The following NEB variants were observed in gnomAD, a reference collection of about 807,000 sequenced individuals.
The protein encoded by NEB is nemaline myopathy type 2.
In NEB, 512 loss-of-function variants were observed where a neutral mutation model predicts 952.2. The observed-to-expected ratio is 0.54, with a 90% confidence interval of 0.50 to 0.58. The LOEUF is 0.58. Ranked by LOEUF, NEB falls within the 20% of genes least tolerant of loss-of-function variation. The pLI is 0.00. For missense variants in NEB, 8,428 were observed against 9,231.1 expected (o/e 0.91, Z 3.56); for synonymous variants, 2,900 against 3,149.8 (o/e 0.92, Z 2.66).
Position 151,565,513 on chromosome 2 carries a change from G to A in NEB, c.18354C>T (p.Val6118=). 1 of 1,588,702 alleles carries A rather than the reference G, an allele frequency of 6.3e-7. No individual in the cohort carries two copies. The highest frequency in any genetic ancestry group is 1.3e-5 in the African/African-American group (1 of 74,728). ...PEIVLAKINS[V]NQSDVKYKET... is the part of the protein sequence containing the mutation. The stretch of plus-strand genomic sequence containing the variant: ...AAAGCAAACTTACATCACTTTGATT[G>A]ACAGAATTAATCTTGGCTAAAACAA... Residue 6118 remains valine, a synonymous_variant, in exon 116 of 182, where the codon GTC becomes GTT. Transcript: ENST00000397345.
chr2:151,506,299 A>G, intron 163 of NEB, 41 bp from the exon 164 acceptor site: 1 of 1,450,710 alleles, frequency 6.9e-7, no homozygotes, highest in Non-Finnish European at 9.6e-7. Context: ...ACAGAAGAAA[A>G]GAAAACCCAG....
intron 4 of NEB, among the ~76,000 whole-genome samples, chr2:151,728,549 AATG>A (rs2099797423): frequency 1.3e-5 from 2 of 152,222 alleles, no homozygotes; most frequent in Non-Finnish European, 2.9e-5. Flanking sequence ...GGACAAGAAT[AATG>A]ATGACAACAT....
chr2:151,650,845 T>C lies in NEB; in HGVS notation c.6956A>G (p.His2319Arg), dbSNP rs1326711179. ...ATCTTGCAGACTCCGGAATCCAACA[T>C]GGTGGCCAAGTTGCTTTCGGTAGCC... is the stretch of plus-strand genomic sequence containing the variant. The part of the protein sequence containing the change: ...KQGYRKQLGH[H>R]VGFRSLQDDP... The change falls in exon 53 of 182, where the codon CAT becomes CGT. Residue 2319 changes from histidine (H) to arginine (R), a missense_variant. Transcript: ENST00000397345. 4.3e-6 allele frequency: 7 copies of C among 1,613,508 alleles called. No homozygotes were observed. Among genetic ancestry groups the C allele is most frequent in the African/African-American group, 1.3e-5 (1 of 74,924 alleles).
intron 34 of NEB, 144 bp downstream of exon 34, chr2:151,677,421 A>G: frequency 1.6e-6 from 1 of 614,978 alleles, no homozygotes; most frequent in Non-Finnish European, 2.5e-6. Context: ...AACTACACAT[A>G]ACTGTAATTT....
chr2:151,680,084 G>A, intron 30 of NEB, 62 bp from the exon 31 acceptor site: 4 of 1,219,852 alleles, frequency 3.3e-6, no homozygotes, highest in South Asian at 2.5e-5. Flanking sequence ...AATGGCACCA[G>A]AAAATAATTT....
At chr2:151,621,240 T>C (rs1172093682) in intron 71 of NEB, among the ~76,000 whole-genome samples, 1 of 152,224 alleles carries the variant, frequency 6.6e-6, no homozygotes, top group Non-Finnish European at 1.5e-5. Flanking sequence ...TCACAACCTC[T>C]CTTTGCACAA....
chr2:151,540,920 T>C lies in NEB; in HGVS notation c.20683-119A>G, dbSNP rs117071114. The C allele has an allele frequency of 2.6e-3, 2,111 of 818,852 alleles. 33 individuals carry two copies. In the East Asian group the frequency reaches 0.031, roughly 12 times the overall value. 50.7% of individuals were successfully genotyped at this position (818,852 alleles called of 1,614,324 possible). On this transcript the variant is annotated intron_variant, in intron 136 of 181. Transcript: ENST00000397345. Reference sequence around the variant, plus strand: ...AGGTGGTATCTGCTTACTGTCCTGATGTTTGTTTGCTTGTTTTTTTGTTAT... The same window carrying C: ...AGGTGGTATCTGCTTACTGTCCTGACGTTTGTTTGCTTGTTTTTTTGTTAT...
chr2:151,516,425 A>G (rs1353887483), intron 157 of NEB, 34 bp downstream of exon 157: 1 of 1,422,546 alleles, frequency 7.0e-7, no homozygotes, highest in Admixed American at 1.7e-5. Flanking sequence ...AGTGTGATGG[A>G]TCATTGTTGT....
In NEB at chr2:151,523,350, T is replaced by C. The variant is rs149911633; in HGVS notation, c.22479+961A>G. The stretch of plus-strand genomic sequence containing the variant: ...GTGTTTTCATAATTCTAACTTGTTC[T>C]GTCACTTGACATTACTGCATTATAT... On this transcript the variant is annotated intron_variant, in intron 153 of 181. Transcript: ENST00000397345. Among the ~76,000 whole-genome samples the C allele has an allele frequency of 4.7e-4, 71 of 152,386 alleles. No homozygotes were observed. The East Asian group carries it at 0.012, about 25-fold the overall frequency.
At chr2:151,725,621 T>C (rs999080835) in intron 5 of NEB, 61 bp from the exon 6 acceptor site, 2 of 1,292,718 alleles carry the variant, frequency 1.5e-6, no homozygotes, top group Admixed American at 1.8e-5. Flanking sequence ...GGCAACATAC[T>C]CACCCCATTT....
At position 151,508,058 on chromosome 2, in the gene NEB, A is replaced by G. The variant is rs781419958; in HGVS notation, c.23398T>C (p.Leu7800=). 8 of 1,611,202 alleles carry G rather than the reference A, an allele frequency of 5.0e-6. No individual in the cohort carries two copies. In the Admixed American group the frequency reaches 5.0e-5, roughly 10 times the overall value. Residue 7800 remains leucine (L), a synonymous_variant, in exon 162 of 182, where the codon TTG becomes CTG. Coordinates refer to ENST00000397345, the MANE Select transcript of NEB (RefSeq NM_001164508.2). ...EKSMSYYETV[L]DTPEIQRVRE... is the part of the protein sequence containing the mutation. ...ACTCTCTGTATCTCTGGGGTGTCCAAAACAGTCTCATAATACGACATGGAC... is the reference window on the plus strand; with the variant it reads ...ACTCTCTGTATCTCTGGGGTGTCCAGAACAGTCTCATAATACGACATGGAC...
Position 151,659,335 on chromosome 2 carries a change from C to T in NEB, c.5971-166G>A, listed in dbSNP as rs147084767. On this transcript the variant is annotated intron_variant, in intron 46 of 181. Transcript: ENST00000397345. ...TTTTTGAGACAGAGTCTTGCGCTGT[C>T]ACCCAGGCTGGAGTGCAGTAGTGCA... Among the ~76,000 whole-genome samples, 868 of 152,160 alleles carry T rather than the reference C, an allele frequency of 5.7e-3. 12 individuals are homozygous for T. Among genetic ancestry groups the T allele is most frequent in the African/African-American group, 0.02 (831 of 41,518 alleles).
chr2:151,681,212 G>A (rs1212986567), intron 29 of NEB, among the ~76,000 whole-genome samples: 5 of 152,202 alleles, frequency 3.3e-5, no homozygotes, highest in Non-Finnish European at 7.3e-5. Context: ...GCACAAACAA[G>A]TTCTCTTTTT....
intron 107 of NEB, among the ~76,000 whole-genome samples, chr2:151,571,837 A>C (rs2096639207): frequency 6.6e-6 from 1 of 152,246 alleles, no homozygotes; most frequent in Non-Finnish European, 1.5e-5. Context: ...GCACAGAAAG[A>C]AGTGGATTTT....
intron 65 of NEB, among the ~76,000 whole-genome samples, chr2:151,633,443 T>C (rs1214996013): frequency 6.6e-6 from 1 of 152,352 alleles, no homozygotes; most frequent in African/African-American, 2.4e-5. Context: ...TCCCATTTTG[T>C]TTTTATAAGA....
Position 151,710,418 on chromosome 2 carries a change from T to A in NEB, c.927+16A>T. 6.4e-7 allele frequency: 1 copy of A among 1,572,172 alleles called. No homozygotes were observed. Among genetic ancestry groups the A allele is most frequent in the Non-Finnish European group, 8.7e-7 (1 of 1,146,778 alleles). ...CCCTCCCAGGATGACCAACCAGCCA[T>A]CCCTTCCCACTTAACTGTGCTAATG... On this transcript the variant is annotated intron_variant, in intron 11 of 181. Transcript: ENST00000397345.
intron 52 of NEB, among the ~76,000 whole-genome samples, chr2:151,652,552 TA>T (rs1215768200): frequency 6.6e-6 from 1 of 152,156 alleles, no homozygotes; most frequent in African/African-American, 2.4e-5. Context: ...TTTAAGTATC[TA>T]CAGAATTTTG....
rs201746137 is a variant in NEB at position 151,643,271 on chromosome 2, C to T, written c.8039G>A (p.Arg2680Gln). ...SGSLEDEKNK[R>Q]ATQILSDHVY... is the part of the protein sequence containing the mutation. The stretch of plus-strand genomic sequence containing the variant: ...ATGGTCACTCAAAATCTGGGTGGCT[C>T]GTTTATTTTTCTCATCCTCGAGAGA... The change falls in exon 58 of 182, where the codon CGA (arginine) becomes CAA (glutamine). Residue 2680 changes from arginine to glutamine, a missense_variant. Arg to Gln is a conservative substitution (Grantham distance 43). This residue lies in a region of NEB where 1,772 missense variants were observed against 1,960.3 expected (regional missense o/e 0.90). Transcript: ENST00000397345. The T allele has an allele frequency of 1.4e-4, 224 of 1,613,646 alleles. 1 individual carries two copies. The highest frequency in any genetic ancestry group is 1.4e-4 in the Non-Finnish European group (170 of 1,179,798).
chr2:151,510,971 A>G (rs2073796322), intron 161 of NEB, among the ~76,000 whole-genome samples: 1 of 152,246 alleles, frequency 6.6e-6, no homozygotes, highest in Non-Finnish European at 1.5e-5. Context: ...AGTATTTACC[A>G]TTCAACTGTA....
Sources: gnomAD v4.1 joint callset for allele counts (sites outside exome capture counted in the v4.1 genomes callset) on GRCh38, gnomAD v4.1.1 for gene constraint, gnomAD v4.1.1 regional missense constraint, MANE v1.5 for transcripts, NCBI Gene and HGNC (gene_info 2026-07-23, HGNC 2026-07-21) for gene names.